SLC24A2: variants seen among roughly 807,000 people sequenced by gnomAD.
SLC24A2 encodes sodium/potassium/calcium exchanger 2.
SLC24A2 carries 36 observed loss-of-function variants against 62.0 expected under a neutral mutation model. That is an observed-to-expected ratio of 0.58 (90% CI 0.44 to 0.77). SLC24A2 has a LOEUF of 0.77. Ranked by LOEUF, SLC24A2 falls within the 30% of genes least tolerant of loss-of-function variation. SLC24A2 has a pLI of 0.00. For missense variants in SLC24A2, 846 were observed against 817.9 expected (o/e 1.03, Z -0.42); for synonymous variants, 358 against 294.0 (o/e 1.22, Z -2.23).
the SLC24A2 span, among the ~76,000 whole-genome samples, chr9:20,063,064 C>A: frequency 1.7e-5 from 2 of 115,198 alleles, no homozygotes; most frequent in South Asian, 6.6e-4. Context: ...CTAGTTCAAC[C>A]ATTGTGGAAG....
chr9:19,564,253 CCA>C (rs1195577058), intron 7 of SLC24A2, among the ~76,000 whole-genome samples: 7 of 152,028 alleles, frequency 4.6e-5, no homozygotes, highest in Non-Finnish European at 8.8e-5. Context: ...AATTAAAAAA[CCA>C]CACTCACTTC....
the SLC24A2 span, among the ~76,000 whole-genome samples, chr9:20,268,703 A>T: frequency 6.6e-6 from 1 of 152,344 alleles, no homozygotes; most frequent in African/African-American, 2.4e-5. Flanking sequence ...AGCAACAGAA[A>T]ACAGACTAAG....
rs1554697846 is a variant in SLC24A2 at position 19,680,851 on chromosome 9, T to TTGTGTGAG, written c.931-58553_931-58552insCTCACACA. 3.7e-3 allele frequency among the ~76,000 whole-genome samples: 551 copies of TTGTGTGAG among 147,072 alleles called. 2 individuals are homozygous for TTGTGTGAG. The highest frequency in any genetic ancestry group is 0.011 in the African/African-American group (433 of 39,804). On this transcript the variant is annotated intron_variant, in intron 2 of 10. Coordinates refer to ENST00000341998, the MANE Select transcript of SLC24A2 (RefSeq NM_020344.4). ...TTTAAACTCAAAATATATACCAGAG[T>TTGTGTGAG]TGTGTGTGTGTGTGTGTGTGTGTGT...
chr9:20,229,722 TTC>T, the SLC24A2 span, among the ~76,000 whole-genome samples: 16 of 152,240 alleles, frequency 1.1e-4, no homozygotes, highest in African/African-American at 3.8e-4. Flanking sequence ...ATTTTTCTAT[TTC>T]TTTTTTTTTA....
intron 2 of SLC24A2, among the ~76,000 whole-genome samples, chr9:19,766,610 C>T (rs950757854): frequency 6.6e-6 from 1 of 152,210 alleles, no homozygotes; most frequent in East Asian, 1.9e-4. Flanking sequence ...AACCTGTTTG[C>T]CTGCACCAGC....
At chr9:19,656,508 T>C (rs1818946660) in intron 2 of SLC24A2, among the ~76,000 whole-genome samples, 1 of 152,206 alleles carries the variant, frequency 6.6e-6, no homozygotes, top group African/African-American at 2.4e-5. Flanking sequence ...TTATTATTTC[T>C]TGATCCCAAA....
the SLC24A2 span, among the ~76,000 whole-genome samples, chr9:19,906,443 C>T: frequency 2.2e-4 from 33 of 151,448 alleles, no homozygotes; most frequent in African/African-American, 4.9e-4. Context: ...CAAACACATT[C>T]AAAAGCTAGC....
the SLC24A2 span, among the ~76,000 whole-genome samples, chr9:19,884,255 T>C: frequency 3.7e-5 from 5 of 135,122 alleles, no homozygotes; most frequent in Non-Finnish European, 8.0e-5. Context: ...TTTTAAGAAA[T>C]TCAGTGTTTA....
At chr9:19,932,005 A>T in the SLC24A2 span, among the ~76,000 whole-genome samples, 1 of 152,102 alleles carries the variant, frequency 6.6e-6, no homozygotes, top group Non-Finnish European at 1.5e-5. Flanking sequence ...TTAAAAAATC[A>T]TCCATTATGC....
chr9:19,686,021 C>T (rs1647854472), intron 2 of SLC24A2, among the ~76,000 whole-genome samples: 1 of 152,016 alleles, frequency 6.6e-6, no homozygotes, highest in African/African-American at 2.4e-5. Context: ...ACTAAGCATT[C>T]AACAAAGGTA....
the SLC24A2 span, among the ~76,000 whole-genome samples, chr9:19,828,520 A>C: frequency 6.6e-6 from 1 of 152,222 alleles, no homozygotes; most frequent in African/African-American, 2.4e-5. Flanking sequence ...ATTTTTAAAA[A>C]CAGGAAATGA....
the SLC24A2 span, among the ~76,000 whole-genome samples, chr9:19,840,181 A>G: frequency 6.6e-6 from 1 of 152,188 alleles, no homozygotes; most frequent in Non-Finnish European, 1.5e-5. Flanking sequence ...AGTCATTCAT[A>G]ACTCATTTTT....
At chr9:19,667,707 C>G (rs752658714) in intron 2 of SLC24A2, among the ~76,000 whole-genome samples, 3 of 152,182 alleles carry the variant, frequency 2.0e-5, no homozygotes, top group Non-Finnish European at 4.4e-5. Context: ...AGAAGCCCAT[C>G]AGAATGATCT....
At chr9:19,863,872 GA>G in the SLC24A2 span, among the ~76,000 whole-genome samples, 1 of 150,118 alleles carries the variant, frequency 6.7e-6, no homozygotes, top group Admixed American at 6.6e-5. Context: ...CAGAAATGAA[GA>G]AAATATAAAA....
the SLC24A2 span, among the ~76,000 whole-genome samples, chr9:20,232,804 T>G: frequency 6.6e-6 from 1 of 152,200 alleles, no homozygotes; most frequent in East Asian, 1.9e-4. Context: ...TCTCGTTCTT[T>G]TAAGTGTGAT....
At chr9:19,589,063 T>C (rs1450383133) in intron 5 of SLC24A2, among the ~76,000 whole-genome samples, 2 of 152,240 alleles carry the variant, frequency 1.3e-5, no homozygotes, top group African/African-American at 4.8e-5. Context: ...CTTTCAAATT[T>C]TGAAATGTGT....
chr9:20,118,866 G>C, the SLC24A2 span, among the ~76,000 whole-genome samples: 134 of 152,172 alleles, frequency 8.8e-4, no homozygotes, highest in African/African-American at 3.0e-3. Flanking sequence ...GTGCAGATGG[G>C]TACTGTGACT....
chr9:19,652,036 T>C (rs1358087122), intron 2 of SLC24A2, among the ~76,000 whole-genome samples: 1 of 152,228 alleles, frequency 6.6e-6, no homozygotes, highest in Non-Finnish European at 1.5e-5. Flanking sequence ...CACTACTTTG[T>C]TCCATAAAAT....
chr9:19,636,315 T>TTTTCTTTTCTTTTCTTTTCTTTC lies in SLC24A2; in HGVS notation c.931-14017_931-14016insGAAAGAAAAGAAAAGAAAAGAAA. On this transcript the variant is annotated intron_variant, in intron 2 of 10. Transcript: ENST00000341998. The stretch of plus-strand genomic sequence containing the variant: ...TTTTCTTTTCTTTTCTTTTCTTTTC[T>TTTTCTTTTCTTTTCTTTTCTTTC]TTTCTTTCTTTCTTTCTTTCTTTCT... Among the ~76,000 whole-genome samples, 177 of 39,928 alleles carry TTTTCTTTTCTTTTCTTTTCTTTC rather than the reference T, an allele frequency of 4.4e-3. 1 individual carries two copies. Among genetic ancestry groups the TTTTCTTTTCTTTTCTTTTCTTTC allele is most frequent in the Admixed American group, 6.3e-3 (23 of 3,646 alleles). The allele number at this position is 39,928 out of a possible 152,430, so 26.2% of individuals were successfully genotyped here. A position where few individuals can be genotyped will look rare whatever the true frequency, so the allele number is the denominator to read the frequency against.
Sources: gnomAD v4.1 joint callset for allele counts (sites outside exome capture counted in the v4.1 genomes callset) on GRCh38, gnomAD v4.1.1 for gene constraint, MANE v1.5 for transcripts, NCBI Gene and HGNC (gene_info 2026-07-23, HGNC 2026-07-21) for gene names.